The following NTRK2 variants were observed in gnomAD, a reference collection of about 807,000 sequenced individuals.
NTRK2 encodes the protein BDNF/NT-3 growth factors receptor.
In NTRK2, 13 loss-of-function variants were observed where a neutral mutation model predicts 94.5. The ratio of observed to expected loss-of-function variants is 0.14; its 90% CI spans 0.09 to 0.22. The LOEUF (loss-of-function observed/expected upper bound fraction) is 0.22, where lower values mean the gene tolerates loss of function less well. Ranked by LOEUF, NTRK2 falls within the 10% of genes least tolerant of loss-of-function variation. NTRK2 has a pLI of 1.00. For synonymous variants in NTRK2, 372 were observed against 407.4 expected (o/e 0.91, Z 1.05); for missense variants, 639 against 1,071.2 (o/e 0.60, Z 5.63).
chr9:84,986,666 A>C (rs1828350844), intron 17 of NTRK2, among the ~76,000 whole-genome samples: 1 of 151,434 alleles, frequency 6.6e-6, no homozygotes, highest in South Asian at 2.1e-4. Flanking sequence ...ATGGTTGTTT[A>C]TGCATCTCAT....
chr9:84,967,309 GGTGGTCTAGGCAGA>G lies in NTRK2; in HGVS notation c.2172+11793_2172+11806del, dbSNP rs1184014702. 2.6e-5 allele frequency among the ~76,000 whole-genome samples: 4 copies of G among 152,328 alleles called. No individual in the cohort carries two copies. In the East Asian group the frequency reaches 7.7e-4, roughly 29 times the overall value. ...CACAAGGAGCTGGGGCTCCCAGGCTGGTGGTCTAGGCAGACCCCTGCTGGCCTTCTCTGTCACTG... is the reference window on the plus strand; with the variant it reads ...CACAAGGAGCTGGGGCTCCCAGGCTGCCCCTGCTGGCCTTCTCTGTCACTG... On this transcript the variant is annotated intron_variant, in intron 17 of 18. Transcript: ENST00000277120.
intron 17 of NTRK2, among the ~76,000 whole-genome samples, chr9:85,019,042 A>G (rs1832549246): frequency 6.6e-6 from 1 of 152,198 alleles, no homozygotes; most frequent in Non-Finnish European, 1.5e-5. Flanking sequence ...GGTGCTAAGA[A>G]CATCACTGGG....
chr9:84,745,236 A>G (rs1222810649), intron 11 of NTRK2, among the ~76,000 whole-genome samples, 163 bp downstream of exon 11: 4 of 152,090 alleles, frequency 2.6e-5, no homozygotes, highest in Non-Finnish European at 4.4e-5. Context: ...AAAAGTGATA[A>G]AGGTGTTATA....
At chr9:84,880,388 G>A (rs2076218684) in intron 14 of NTRK2, among the ~76,000 whole-genome samples, 1 of 152,202 alleles carries the variant, frequency 6.6e-6, no homozygotes, top group Non-Finnish European at 1.5e-5. Context: ...CTTCTTTTCA[G>A]CATCCTATGG....
At chr9:84,742,802 T>TG (rs1276460245) in intron 10 of NTRK2, among the ~76,000 whole-genome samples, 1 of 135,776 alleles carries the variant, frequency 7.4e-6, no homozygotes, top group African/African-American at 3.1e-5. Context: ...TTTTTTTTTT[T>TG]TTTTTTTTTT....
intron 14 of NTRK2, among the ~76,000 whole-genome samples, chr9:84,889,313 G>GT: frequency 1.3e-5 from 2 of 152,208 alleles, no homozygotes; most frequent in Middle Eastern, 3.4e-3. Flanking sequence ...TTTTTAAAAA[G>GT]TGGCTCTTTA....
chr9:84,722,293 T>A (rs2062125942), intron 6 of NTRK2, among the ~76,000 whole-genome samples: 1 of 150,312 alleles, frequency 6.7e-6, no homozygotes, highest in Non-Finnish European at 1.5e-5. Flanking sequence ...TATTGGGGAA[T>A]CCTCTCCCAG....
At chr9:84,699,639 G>T (rs1468666886) in intron 2 of NTRK2, among the ~76,000 whole-genome samples, 3 of 150,652 alleles carry the variant, frequency 2.0e-5, no homozygotes, top group African/African-American at 7.3e-5. Flanking sequence ...TGACTAGAAA[G>T]CATAGAATTA....
intron 14 of NTRK2, among the ~76,000 whole-genome samples, chr9:84,894,302 A>G (rs2076693650): frequency 6.6e-6 from 1 of 152,196 alleles, no homozygotes; most frequent in South Asian, 2.1e-4. Context: ...TTAACGCGAC[A>G]CAGTTCGTAT....
intron 6 of NTRK2, 112 bp downstream of exon 6, chr9:84,710,903 A>G (rs12375780): frequency 1.2e-5 from 12 of 1,015,528 alleles, no homozygotes; most frequent in Non-Finnish European, 1.8e-5. Flanking sequence ...TATTCTGTTG[A>G]TGTCTCCAGT....
intron 9 of NTRK2, among the ~76,000 whole-genome samples, chr9:84,740,094 G>A (rs1029627582): frequency 6.6e-6 from 1 of 152,206 alleles, no homozygotes; most frequent in Non-Finnish European, 1.5e-5. Context: ...TTTGAAGACT[G>A]ACTTGCTCTC....
chr9:84,906,077 C>T (rs2077067793), intron 14 of NTRK2, among the ~76,000 whole-genome samples: 1 of 152,154 alleles, frequency 6.6e-6, no homozygotes, highest in South Asian at 2.1e-4. Context: ...GGGAACTGAG[C>T]TCAGGAGAGC....
At chr9:84,814,638 G>C (rs2072189354) in intron 12 of NTRK2, 1 of 1,065,456 alleles carries the variant, frequency 9.4e-7, no homozygotes, top group African/African-American at 1.6e-5. Context: ...TTTGGTGCTA[G>C]CTGTCTAGAA....
At chr9:84,964,114 T>C (rs1825275836) in intron 17 of NTRK2, among the ~76,000 whole-genome samples, 1 of 152,246 alleles carries the variant, frequency 6.6e-6, no homozygotes, top group Non-Finnish European at 1.5e-5. Context: ...CTCCTTTGCA[T>C]GCTTGGTAGT....
At chr9:84,973,492 C>A (rs1408522355) in intron 17 of NTRK2, among the ~76,000 whole-genome samples, 1 of 152,206 alleles carries the variant, frequency 6.6e-6, no homozygotes, top group Non-Finnish European at 1.5e-5. Flanking sequence ...GCCCCTTGAA[C>A]AGGTTCCTCA....
At chr9:84,801,747 T>C (rs541416316) in intron 12 of NTRK2, among the ~76,000 whole-genome samples, 2 of 152,364 alleles carry the variant, frequency 1.3e-5, no homozygotes, top group South Asian at 4.1e-4. Flanking sequence ...TATTAGGACA[T>C]AATCCCATCA....
chr9:84,969,085 C>T (rs1825893743), intron 17 of NTRK2, among the ~76,000 whole-genome samples: 1 of 152,206 alleles, frequency 6.6e-6, no homozygotes, highest in South Asian at 2.1e-4. Context: ...GGTCCACCCT[C>T]CCAGGCTAGA....
rs145518200 is a variant in NTRK2 at position 84,976,727 on chromosome 9, CA to C, written c.2172+21220del. ...CAGAGGTAGCAAGGCCCTGATCCCA[CA>C]AAAAAAAAACTATAAACACAACTAG... On this transcript the variant is annotated intron_variant, in intron 17 of 18. Transcript: ENST00000277120. Among the ~76,000 whole-genome samples the C allele has an allele frequency of 2.2e-4, 32 of 146,186 alleles. 1 individual carries two copies. The highest frequency in any genetic ancestry group is 7.5e-4 in the Admixed American group (11 of 14,708).
At chr9:84,977,710 T>C (rs1827067476) in intron 17 of NTRK2, among the ~76,000 whole-genome samples, 2 of 152,226 alleles carry the variant, frequency 1.3e-5, no homozygotes, top group South Asian at 4.1e-4. Flanking sequence ...CCTCATTGTA[T>C]TGTGCTTCAC....
Sources: allele counts gnomAD v4.1 joint callset (sites outside exome capture counted in the v4.1 genomes callset), GRCh38; gene constraint gnomAD v4.1.1; transcripts MANE v1.5; gene names NCBI Gene and HGNC (gene_info 2026-07-23, HGNC 2026-07-21).